The following RAB38 variants were observed in gnomAD, a reference collection of about 807,000 sequenced individuals.
RAB38 encodes RAB38, member RAS oncogene family, also known as ras-related protein Rab-38.
Under a neutral mutation model 18.4 loss-of-function variants are expected in RAB38, and 15 were observed. The ratio of observed to expected loss-of-function variants is 0.82; its 90% CI spans 0.55 to 1.26. The LOEUF (loss-of-function observed/expected upper bound fraction) is 1.26. Among genes scored for constraint, RAB38 ranks in the 50% most tolerant of loss-of-function variants. The probability of loss-of-function intolerance (pLI) is 0.00; values close to 1 mark genes in which losing one functional copy is unlikely to be tolerated. For synonymous variants in RAB38, 101 were observed against 104.4 expected (o/e 0.97, Z 0.20); for missense variants, 294 against 267.4 (o/e 1.10, Z -0.69).
chr11:87,884,250 G>A, the RAB38 span, among the ~76,000 whole-genome samples: 2 of 152,088 alleles, frequency 1.3e-5, no homozygotes, highest in Non-Finnish European at 2.9e-5. Context: ...GGTTGCTTCT[G>A]CTCGTAAGAG....
chr11:87,818,225 C>G, the RAB38 span, among the ~76,000 whole-genome samples: 1 of 152,136 alleles, frequency 6.6e-6, no homozygotes, highest in Non-Finnish European at 1.5e-5. Flanking sequence ...TTGGGAACTA[C>G]TGCCCTAGTA....
chr11:88,058,934 G>A, the RAB38 span, among the ~76,000 whole-genome samples: 3 of 152,324 alleles, frequency 2.0e-5, no homozygotes, highest in Admixed American at 1.3e-4. Context: ...CTGCAGGTAA[G>A]TACCTCTAGC....
the RAB38 span, among the ~76,000 whole-genome samples, chr11:87,972,689 A>G: frequency 6.6e-6 from 1 of 152,102 alleles, no homozygotes; most frequent in African/African-American, 2.4e-5. Context: ...AAGTTTCCAG[A>G]CAGCTTTTTG....
the RAB38 span, among the ~76,000 whole-genome samples, chr11:88,089,460 C>T: frequency 6.6e-6 from 1 of 151,868 alleles, no homozygotes; most frequent in Non-Finnish European, 1.5e-5. Flanking sequence ...AAGAGAGTGC[C>T]CTTCTAGGGA....
chr11:87,899,067 C>T, the RAB38 span, among the ~76,000 whole-genome samples: 1 of 151,698 alleles, frequency 6.6e-6, no homozygotes, highest in Non-Finnish European at 1.5e-5. Context: ...CCTATGGAGA[C>T]AGATAATAAT....
At chr11:88,156,499 C>A (rs182980444) in intron 1 of RAB38, among the ~76,000 whole-genome samples, 1 of 152,072 alleles carries the variant, frequency 6.6e-6, no homozygotes, top group Non-Finnish European at 1.5e-5. Flanking sequence ...GTCAGGAGTT[C>A]GAGACTAGCC....
intron 1 of RAB38, among the ~76,000 whole-genome samples, chr11:88,169,715 T>C (rs995778871): frequency 2.0e-5 from 3 of 152,190 alleles, no homozygotes; most frequent in African/African-American, 7.2e-5. Flanking sequence ...AACATCACAC[T>C]AGCCTTGAGG....
intron 2 of RAB38, among the ~76,000 whole-genome samples, chr11:88,148,192 A>G (rs1014703124): frequency 6.6e-6 from 1 of 152,190 alleles, no homozygotes; most frequent in Non-Finnish European, 1.5e-5. Context: ...CTCGCAACTG[A>G]GCAATAACAA....
chr11:88,003,795 T>G, the RAB38 span, among the ~76,000 whole-genome samples: 700 of 6,934 alleles, frequency 0.1, 304 homozygotes, highest in Non-Finnish European at 0.13. Context: ...ATATATAATA[T>G]ATTGTATATA....
chr11:88,016,669 C>T, the RAB38 span, among the ~76,000 whole-genome samples: 1 of 151,928 alleles, frequency 6.6e-6, no homozygotes, highest in Non-Finnish European at 1.5e-5. Context: ...CATTTTTGCC[C>T]CATCAGCTAT....
chr11:88,081,136 A>C, the RAB38 span, among the ~76,000 whole-genome samples: 1 of 151,938 alleles, frequency 6.6e-6, no homozygotes, highest in Non-Finnish European at 1.5e-5. Flanking sequence ...CAAAATTTAC[A>C]ATATCAAATG....
chr11:87,951,873 C>G, the RAB38 span, among the ~76,000 whole-genome samples: 1 of 152,126 alleles, frequency 6.6e-6, no homozygotes, highest in Non-Finnish European at 1.5e-5. Flanking sequence ...GCAGTCTGCC[C>G]GTTCTCAGAT....
chr11:87,955,953 CA>C, the RAB38 span, among the ~76,000 whole-genome samples: 2 of 151,476 alleles, frequency 1.3e-5, no homozygotes, highest in Admixed American at 1.3e-4. Context: ...CAAGACATGT[CA>C]AAAGAGAAAA....
chr11:87,902,696 C>G, the RAB38 span, among the ~76,000 whole-genome samples: 1 of 151,296 alleles, frequency 6.6e-6, no homozygotes, highest in Non-Finnish European at 1.5e-5. Flanking sequence ...ATTCTCTCAG[C>G]AATATGTTAT....
intron 2 of RAB38, among the ~76,000 whole-genome samples, chr11:88,147,016 T>C (rs549132955): frequency 2.0e-5 from 3 of 152,320 alleles, no homozygotes; most frequent in South Asian, 2.1e-4. Flanking sequence ...TTTAACACTA[T>C]AGTGGTTGAG....
At chr11:88,073,355 C>T in the RAB38 span, among the ~76,000 whole-genome samples, 1 of 152,136 alleles carries the variant, frequency 6.6e-6, no homozygotes, top group South Asian at 2.1e-4. Context: ...CTAGTCTTCC[C>T]ACACTACTGG....
At chr11:88,157,199 C>T (rs302656) in intron 1 of RAB38, among the ~76,000 whole-genome samples, 130,305 of 152,246 alleles carry the variant, frequency 0.86, 56,074 homozygotes, top group Middle Eastern at 0.94. Flanking sequence ...GTCATTCCTA[C>T]GTCAGATAAA....
At chr11:87,946,392 G>A in the RAB38 span, among the ~76,000 whole-genome samples, 6 of 151,880 alleles carry the variant, frequency 4.0e-5, no homozygotes, top group African/African-American at 9.7e-5. Flanking sequence ...CTCTAATTCC[G>A]ATTTTTTTAA....
the RAB38 span, among the ~76,000 whole-genome samples, chr11:87,971,484 G>A: frequency 6.6e-6 from 1 of 152,112 alleles, no homozygotes; most frequent in Admixed American, 6.6e-5. Flanking sequence ...GTGCAGCTCA[G>A]AATGTACAGG....
Sources: allele counts gnomAD v4.1 joint callset (sites outside exome capture counted in the v4.1 genomes callset), GRCh38; gene constraint gnomAD v4.1.1; transcripts MANE v1.5; gene names NCBI Gene and HGNC (gene_info 2026-07-23, HGNC 2026-07-21).